Variants in NEDD8 observed in about 807,000 individuals in gnomAD.
The protein encoded by NEDD8 is ubiquitin-like protein NEDD8.
In NEDD8, 1 loss-of-function variant was observed where a neutral mutation model predicts 13.8. The observed-to-expected ratio is 0.07, with a 90% CI of 0.03 to 0.34. NEDD8 has a LOEUF of 0.34. Among genes scored for constraint, NEDD8 ranks in the 10% least tolerant of loss-of-function variants. NEDD8 has a pLI of 0.99. For missense variants in NEDD8, 10 were observed against 95.2 expected, an observed-to-expected ratio of 0.10 and a Z score of 3.73; for synonymous variants, 31 against 33.2, an observed-to-expected ratio of 0.93 and a Z score of 0.23.
intron 1 of NEDD8, among the ~76,000 whole-genome samples, chr14:24,226,286 G>A (rs2039889397): frequency 6.6e-6 from 1 of 152,012 alleles, no homozygotes. Flanking sequence ...GAGGTCAGGA[G>A]TTCGAGACCA....
chr14:24,228,876 A>G lies in NEDD8; in HGVS notation c.18+3374T>C, dbSNP rs1045918146. 3.9e-5 allele frequency among the ~76,000 whole-genome samples: 6 copies of G among 151,974 alleles called. No homozygotes were observed. In the East Asian group the frequency reaches 1.2e-3, roughly 29 times the overall value. On this transcript the variant is annotated intron_variant, in intron 1 of 3. Coordinates refer to ENST00000250495, the MANE Select transcript of NEDD8 (RefSeq NM_006156.3). ...ACTTTCCTATGTATTTAATTAAGAA[A>G]TGCAACAAACAAGAGGGGATGGGGC...
At chr14:24,226,842 C>T (rs1265067499) in intron 1 of NEDD8, 1 of 151,996 alleles carries the variant, frequency 6.6e-6, no homozygotes, top group African/African-American at 2.4e-5. Flanking sequence ...AGGTATTTAT[C>T]CAAAGGAAAT....
At chr14:24,222,063 A>G (rs1010709522) in intron 1 of NEDD8, among the ~76,000 whole-genome samples, 2 of 152,212 alleles carry the variant, frequency 1.3e-5, no homozygotes, top group Non-Finnish European at 2.9e-5. Flanking sequence ...GCCCATAAAT[A>G]TATCTAGAGA....
Position 24,216,930 on chromosome 14 carries a change from AAACT to A in NEDD8, c.*193_*196del, listed in dbSNP as rs2039710814. 5 of 579,500 alleles carry A rather than the reference AAACT, an allele frequency of 8.6e-6. No individual in the cohort carries two copies. In the Admixed American group the frequency reaches 1.4e-4, roughly 16 times the overall value. 35.9% of individuals were successfully genotyped at this position (579,500 alleles called of 1,614,324 possible). ...AAGAGAGGGAAGCACACAGGACTGCAAACTAACACCCAGTAGCCAGCAAGGGCCC... is the reference window on the plus strand; with the variant it reads ...AAGAGAGGGAAGCACACAGGACTGCAAACACCCAGTAGCCAGCAAGGGCCC... On this transcript the variant is annotated 3_prime_UTR_variant, in exon 4 of 4. Transcript: ENST00000250495.
At chr14:24,219,066 G>A (rs1323030833) in intron 1 of NEDD8, among the ~76,000 whole-genome samples, 2 of 151,966 alleles carry the variant, frequency 1.3e-5, no homozygotes, top group South Asian at 2.1e-4. Flanking sequence ...CTTAAAAAAA[G>A]TCAGAAGGAC....
intron 3 of NEDD8, chr14:24,217,683 C>G (rs1332716927): frequency 6.0e-6 from 1 of 167,758 alleles, no homozygotes; most frequent in Non-Finnish European, 1.3e-5. Flanking sequence ...TAACCCCCAA[C>G]TGAAATTTAA....
At chr14:24,228,805 T>C (rs974118303) in intron 1 of NEDD8, 1 of 151,192 alleles carries the variant, frequency 6.6e-6, no homozygotes, top group Non-Finnish European at 1.5e-5. Context: ...CTTTTTTAAA[T>C]TAATATTTTC....
intron 1 of NEDD8, among the ~76,000 whole-genome samples, chr14:24,230,023 T>C (rs1280597267): frequency 2.0e-5 from 3 of 151,634 alleles, no homozygotes; most frequent in Non-Finnish European, 1.5e-5. Context: ...TGAGCCGACA[T>C]TGCGCCACTG....
chr14:24,231,142 C>G (rs1302306068), intron 1 of NEDD8, among the ~76,000 whole-genome samples: 2 of 152,146 alleles, frequency 1.3e-5, no homozygotes, highest in Non-Finnish European at 2.9e-5. Context: ...CGGCCTGCCT[C>G]GGCCTTCCAA....
intron 1 of NEDD8, among the ~76,000 whole-genome samples, chr14:24,228,947 G>A (rs955213075): frequency 6.6e-6 from 1 of 152,114 alleles, no homozygotes; most frequent in Non-Finnish European, 1.5e-5. Context: ...CCTGTTTGAA[G>A]GCAGAAGGGT....
chr14:24,225,193 A>C (rs940413694), intron 1 of NEDD8, among the ~76,000 whole-genome samples: 4 of 151,890 alleles, frequency 2.6e-5, no homozygotes, highest in East Asian at 1.9e-4. Context: ...AAAAGAAAAA[A>C]AGAAAAACAT....
chr14:24,230,967 G>A (rs540178183), intron 1 of NEDD8, among the ~76,000 whole-genome samples: 1 of 149,822 alleles, frequency 6.7e-6, no homozygotes, highest in Admixed American at 6.7e-5. Context: ...ACTGCTCACC[G>A]CGGCTTCGAC....
chr14:24,225,564 T>C (rs2039878775), intron 1 of NEDD8, among the ~76,000 whole-genome samples: 1 of 152,216 alleles, frequency 6.6e-6, no homozygotes, highest in Non-Finnish European at 1.5e-5. Context: ...TTAAATAAGA[T>C]TGGCTATGAG....
chr14:24,217,953 T>C, intron 3 of NEDD8, 180 bp downstream of exon 3: 1 of 567,866 alleles, frequency 1.8e-6, no homozygotes, highest in East Asian at 2.9e-5. Context: ...ATTCTATATA[T>C]TTTGTTTTAT....
At chr14:24,229,197 T>C (rs903175583) in intron 1 of NEDD8, among the ~76,000 whole-genome samples, 5 of 152,116 alleles carry the variant, frequency 3.3e-5, no homozygotes, top group African/African-American at 9.7e-5. Flanking sequence ...ACACACAGCA[T>C]TGATTTTTTT....
At chr14:24,229,131 A>G (rs896537598) in intron 1 of NEDD8, among the ~76,000 whole-genome samples, 1 of 152,244 alleles carries the variant, frequency 6.6e-6, no homozygotes, top group African/African-American at 2.4e-5. Flanking sequence ...CCACAGAATC[A>G]TAATCAGCAT....
intron 1 of NEDD8, among the ~76,000 whole-genome samples, chr14:24,231,308 C>T (rs988513501): frequency 1.3e-5 from 2 of 152,168 alleles, no homozygotes; most frequent in African/African-American, 4.8e-5. Context: ...TATTTTAATA[C>T]TAGACCTCAA....
intron 1 of NEDD8, among the ~76,000 whole-genome samples, chr14:24,219,848 A>C (rs2039773553): frequency 3.3e-5 from 5 of 152,110 alleles, no homozygotes; most frequent in African/African-American, 1.2e-4. Context: ...TAAATGTAAG[A>C]TCTCCTCCTG....
At chr14:24,231,995 A>G in intron 1 of NEDD8, 1 of 519,184 alleles carries the variant, frequency 1.9e-6, no homozygotes, top group Non-Finnish European at 3.4e-6. Flanking sequence ...AAGCGACCCC[A>G]TTCTGGGTGA....
Sources: gnomAD v4.1 joint callset for allele counts (sites outside exome capture counted in the v4.1 genomes callset) on GRCh38, gnomAD v4.1.1 for gene constraint, MANE v1.5 for transcripts, NCBI Gene and HGNC (gene_info 2026-07-23, HGNC 2026-07-21) for gene names.